Variants in AGGF1 observed in about 807,000 individuals in gnomAD.
AGGF1 encodes the protein angiogenic factor with G-patch and FHA domains 1.
Under a neutral mutation model 86.5 loss-of-function variants are expected in AGGF1, and 56 were observed. The ratio of observed to expected loss-of-function variants is 0.65; its 90% confidence interval spans 0.52 to 0.81. The LOEUF (loss-of-function observed/expected upper bound fraction) is 0.81, where lower values mean the gene tolerates loss of function less well. Among genes scored for constraint, AGGF1 ranks in the 30% least tolerant of loss-of-function variants. The probability of loss-of-function intolerance (pLI) is 0.00; values close to 1 mark genes in which losing one functional copy is unlikely to be tolerated. For synonymous variants in AGGF1, 313 were observed against 297.1 expected, an observed-to-expected ratio of 1.05 and a Z score of -0.55; for missense variants, 816 against 850.9, an observed-to-expected ratio of 0.96 and a Z score of 0.51.
intron 5 of AGGF1, 57 bp from the exon 6 acceptor site, chr5:77,046,290 T>TA (rs1233681937): frequency 8.8e-6 from 12 of 1,357,974 alleles, no homozygotes; most frequent in Non-Finnish European, 1.2e-5. Context: ...TGTTATAAGA[T>TA]AGTGATGTTT....
chr5:77,036,359 A>C (rs1391056232), intron 3 of AGGF1, among the ~76,000 whole-genome samples, 197 bp from the exon 4 acceptor site: 2 of 152,178 alleles, frequency 1.3e-5, no homozygotes, highest in Non-Finnish European at 2.9e-5. Context: ...TGCCTTCAAA[A>C]CTGGGTCAAA....
At chr5:77,034,020 G>A (rs1052199510) in intron 1 of AGGF1, among the ~76,000 whole-genome samples, 2 of 152,228 alleles carry the variant, frequency 1.3e-5, no homozygotes, top group African/African-American at 4.8e-5. Flanking sequence ...ACATATTCAG[G>A]TGGATAGTTA....
intron 1 of AGGF1, 29 bp downstream of exon 1, chr5:77,031,005 C>A: frequency 6.2e-7 from 1 of 1,609,842 alleles, no homozygotes; most frequent in South Asian, 1.1e-5. Flanking sequence ...CCCCGCGCCC[C>A]ATCCAGCCCA....
Position 77,030,836 on chromosome 5 carries a change from C to T in AGGF1, c.70C>T (p.Gln24Ter), listed in dbSNP as rs1020092262. 4.3e-6 allele frequency: 7 copies of T among 1,611,724 alleles called. No individual in the cohort carries two copies. The highest frequency in any genetic ancestry group is 2.2e-5 in the East Asian group (1 of 44,870). Residue 24 changes from glutamine to a stop codon, truncating the protein, a stop_gained, in exon 1 of 14, where the codon CAG becomes TAG. Coordinates refer to ENST00000312916, the MANE Select transcript of AGGF1 (RefSeq NM_018046.5). LOFTEE classifies it high-confidence loss of function. The stretch of plus-strand genomic sequence containing the variant: ...CACCTCCCCCGAGCCTGAGCTGGCC[C>T]AGCTAAGGCGGAAGGTGGAGAAGTT... ...PPTSPEPELA[Q>*]LRRKVEKLER...
rs959924286 is a variant in AGGF1 at position 77,048,144 on chromosome 5, A to G, written c.1202-17A>G. 1.4e-6 allele frequency: 2 copies of G among 1,467,786 alleles called. No individual in the cohort carries two copies. Among genetic ancestry groups the G allele is most frequent in the Non-Finnish European group, 1.9e-6 (2 of 1,047,858 alleles). The allele number at this position is 1,467,786 out of a possible 1,614,324, so 90.9% of individuals were successfully genotyped here. On this transcript the variant is annotated splice_polypyrimidine_tract_variant and intron_variant, in intron 6 of 13. Transcript: ENST00000312916. Reference sequence around the variant, plus strand: ...ATAGTAGTTAAATTAATATTTACTCACTTCTTTCCTTGGCAGATGAAGACA... The same window carrying G: ...ATAGTAGTTAAATTAATATTTACTCGCTTCTTTCCTTGGCAGATGAAGACA...
Position 77,030,728 on chromosome 5 carries a change from A to G in AGGF1, c.-39A>G. 1 of 1,545,372 alleles carries G rather than the reference A, an allele frequency of 6.5e-7. No individual in the cohort carries two copies. Among genetic ancestry groups the G allele is most frequent in the Admixed American group, 1.9e-5 (1 of 52,762 alleles). The stretch of plus-strand genomic sequence containing the variant: ...CCGGCGTCCGTTTCGGCCTGAACGC[A>G]GCCCCTCCGCGGCGACGAGCAGTCT... On this transcript the variant is annotated 5_prime_UTR_variant, in exon 1 of 14. Transcript: ENST00000312916.
In AGGF1 at chr5:77,035,588, G is replaced by C. The variant is rs762336558; in HGVS notation, c.361G>C (p.Val121Leu). 7 of 1,613,466 alleles carry C rather than the reference G, an allele frequency of 4.3e-6. No individual in the cohort carries two copies. The highest frequency in any genetic ancestry group is 5.9e-6 in the Non-Finnish European group (7 of 1,179,644). The change falls in exon 3 of 14, where the codon GTG (valine) becomes CTG (leucine). Residue 121 changes from valine (V) to leucine (L), a missense_variant. Physicochemically the swap from Val to Leu is conservative, Grantham distance 32. Around this residue, in one of 3 missense-constraint regions of AGGF1, gnomAD observed 240 missense variants for 234.4 expected, o/e 1.02. Coordinates refer to ENST00000312916, the MANE Select transcript of AGGF1 (RefSeq NM_018046.5). Reference sequence around the variant, plus strand: ...CAATGACGTTAGTCTTCCAAATAAAGTGACTGAACTGTCAGATCAACAAGA... The same window carrying C: ...CAATGACGTTAGTCTTCCAAATAAACTGACTGAACTGTCAGATCAACAAGA... ...YYNDVSLPNK[V>L]TELSDQQDQA...
intron 5 of AGGF1, among the ~76,000 whole-genome samples, chr5:77,042,790 G>T (rs1357537455): frequency 1.7e-5 from 1 of 58,128 alleles, no homozygotes; most frequent in East Asian, 5.7e-4. Flanking sequence ...CTCCCGGACG[G>T]GGCGGCTGGC....
At chr5:77,054,533 T>C (rs1747428546) in intron 10 of AGGF1, among the ~76,000 whole-genome samples, 1 of 152,198 alleles carries the variant, frequency 6.6e-6, no homozygotes, top group African/African-American at 2.4e-5. Flanking sequence ...TCAAATGTAC[T>C]TAAGAGCAGT....
intron 11 of AGGF1, among the ~76,000 whole-genome samples, chr5:77,059,278 A>G (rs1482780605): frequency 6.6e-6 from 1 of 152,220 alleles, no homozygotes; most frequent in Non-Finnish European, 1.5e-5. Context: ...AAATATAAAC[A>G]TTTTAAAGGG....
At chr5:77,035,027 G>C (rs770945769) in intron 2 of AGGF1, among the ~76,000 whole-genome samples, 5 of 152,176 alleles carry the variant, frequency 3.3e-5, no homozygotes, top group Admixed American at 1.3e-4. Flanking sequence ...CCTTGCTTCA[G>C]TCAGGACATA....
chr5:77,049,996 T>C (rs1251918295), intron 8 of AGGF1, among the ~76,000 whole-genome samples: 2 of 152,144 alleles, frequency 1.3e-5, no homozygotes, highest in Admixed American at 1.3e-4. Flanking sequence ...CGGACTGTAA[T>C]GTGGACCTAA....
chr5:77,048,065 A>T (rs1333257194), intron 6 of AGGF1, 96 bp from the exon 7 acceptor site: 2 of 845,402 alleles, frequency 2.4e-6, no homozygotes, highest in African/African-American at 3.4e-5. Context: ...ATTTTTGACC[A>T]ACACATTTTT....
At chr5:77,059,583 C>G in intron 11 of AGGF1, 33 bp from the exon 12 acceptor site, 1 of 1,580,196 alleles carries the variant, frequency 6.3e-7, no homozygotes, top group Non-Finnish European at 8.7e-7. Context: ...TATCAGCTTT[C>G]TTTTCCTGAA....
rs770053006 is a variant in AGGF1, at chr5:77,035,611, A to C, written c.384A>C (p.Gln128His). ...PNKVTELSDQ[Q>H]DQAIETSILN... Reference sequence around the variant, plus strand: ...AAGTGACTGAACTGTCAGATCAACAAGATCAAGCTATCGAAACTTCTATTT... The same window carrying C: ...AAGTGACTGAACTGTCAGATCAACACGATCAAGCTATCGAAACTTCTATTT... The change falls in exon 3 of 14, where the codon CAA becomes CAC. Residue 128 changes from glutamine to histidine, a missense_variant. This residue lies in a region of AGGF1 where 240 missense variants were observed against 234.4 expected (regional missense o/e 1.02). Coordinates refer to ENST00000312916, the MANE Select transcript of AGGF1 (RefSeq NM_018046.5). 12 of 1,613,528 alleles carry C rather than the reference A, an allele frequency of 7.4e-6. No individual in the cohort carries two copies. The highest frequency in any genetic ancestry group is 2.2e-5 in the South Asian group (2 of 91,076).
At chr5:77,046,313 C>T (rs940936350) in intron 5 of AGGF1, 34 bp from the exon 6 acceptor site, 2 of 1,531,850 alleles carry the variant, frequency 1.3e-6, no homozygotes, top group Admixed American at 1.7e-5. Flanking sequence ...GAGTATTCTC[C>T]CCTGTTCCCT....
chr5:77,039,406 A>T, intron 4 of AGGF1, 125 bp from the exon 5 acceptor site: 2 of 741,306 alleles, frequency 2.7e-6, no homozygotes, highest in Non-Finnish European at 2.2e-6. Context: ...TCTTTAATTC[A>T]TTGTCTTCTG....
rs1402496296 is a variant in AGGF1 at position 77,048,994 on chromosome 5, T to G, written c.1365+7T>G. On this transcript the variant is annotated splice_region_variant and intron_variant, in intron 8 of 13. Coordinates refer to ENST00000312916, the MANE Select transcript of AGGF1 (RefSeq NM_018046.5). ...TGAAGTTGGTGTCAGTAAGGTAAGC[T>G]CTTTGATTTATCAAATATAGTCCCC... 6.2e-7 allele frequency: 1 copy of G among 1,613,004 alleles called. No individual in the cohort carries two copies.
In AGGF1 at chr5:77,046,143, A is replaced by G. The variant is rs571124408; in HGVS notation, c.871-204A>G. ...AGGGGATCTCAGAGATAACTATAGG[A>G]TTTTTAATTTGGATAATAAGAAGAT... On this transcript the variant is annotated intron_variant, in intron 5 of 13. Transcript: ENST00000312916. 7.2e-5 allele frequency among the ~76,000 whole-genome samples: 11 copies of G among 152,310 alleles called. No homozygotes were observed. The South Asian group carries it at 8.3e-4, about 11-fold the overall frequency.
Sources: allele counts gnomAD v4.1 joint callset (sites outside exome capture counted in the v4.1 genomes callset), GRCh38; gene constraint gnomAD v4.1.1; regional missense constraint gnomAD v4.1.1; transcripts MANE v1.5; gene names NCBI Gene and HGNC (gene_info 2026-07-23, HGNC 2026-07-21).